The following ACVR1B variants were observed in gnomAD, a reference collection of about 807,000 sequenced individuals.
ACVR1B encodes activin receptor type-1B.
Under a neutral mutation model 55.6 loss-of-function variants are expected in ACVR1B, and 15 were observed. The observed-to-expected ratio is 0.27, with a 90% CI of 0.18 to 0.42. The LOEUF is 0.42. Among genes scored for constraint, ACVR1B ranks in the 10% least tolerant of loss-of-function variants. ACVR1B has a pLI of 1.00. For missense variants in ACVR1B, 359 were observed against 670.1 expected (o/e 0.54, Z 5.13); for synonymous variants, 247 against 254.6 (o/e 0.97, Z 0.28).
At position 51,995,626 on chromosome 12, in the gene ACVR1B, T is replaced by G. The variant is rs1942284902; in HGVS notation, c.*1516T>G. ...TTTTTAATGTTGTTAAATATTAAGT[T>G]TTTGTAAAAGGAAAACCATCTCTGT... is the stretch of plus-strand genomic sequence containing the variant. On this transcript the variant is annotated 3_prime_UTR_variant, in exon 9 of 9. Transcript: ENST00000257963. 1 of 152,530 alleles carries G rather than the reference T, an allele frequency of 6.6e-6. No homozygotes were observed. Among genetic ancestry groups the G allele is most frequent in the African/African-American group, 2.4e-5 (1 of 41,392 alleles). 9.4% of individuals were successfully genotyped at this position (152,530 alleles called of 1,614,324 possible).
chr12:51,956,166 G>A (rs1401486792), intron 1 of ACVR1B, among the ~76,000 whole-genome samples: 1 of 152,200 alleles, frequency 6.6e-6, no homozygotes, highest in Admixed American at 6.5e-5. Flanking sequence ...AGGGTTCAGA[G>A]ACAGTGCCAC....
intron 7 of ACVR1B, among the ~76,000 whole-genome samples, chr12:51,989,510 C>T (rs1473971486): frequency 5.3e-5 from 8 of 152,164 alleles, no homozygotes; most frequent in African/African-American, 1.7e-4. Flanking sequence ...GTCTCGAACT[C>T]CTGACCTCAG....
intron 1 of ACVR1B, among the ~76,000 whole-genome samples, chr12:51,968,361 CTT>C (rs1170264094): frequency 1.3e-5 from 2 of 152,208 alleles, no homozygotes; most frequent in African/African-American, 4.8e-5. Context: ...TAAAACCAAT[CTT>C]ATATTAATAG....
In ACVR1B at chr12:51,992,010, C is replaced by G; in HGVS notation, c.1392+17C>G. 1 of 1,614,244 alleles carries G rather than the reference C, an allele frequency of 6.2e-7. No homozygotes were observed. The highest frequency in any genetic ancestry group is 1.7e-5 in the Admixed American group (1 of 60,016). The stretch of plus-strand genomic sequence containing the variant: ...AGTTATGAGGTAAGAAGCTGGCCTC[C>G]TGCGGCTTTCCCATCAGCCTGATTT... On this transcript the variant is annotated intron_variant, in intron 8 of 8. Coordinates refer to ENST00000257963, the MANE Select transcript of ACVR1B (RefSeq NM_004302.5).
At chr12:51,977,814 G>T (rs1241948086) in intron 3 of ACVR1B, among the ~76,000 whole-genome samples, 4 of 143,156 alleles carry the variant, frequency 2.8e-5, no homozygotes, top group African/African-American at 2.6e-5. Flanking sequence ...TTTGTGGAAG[G>T]TTTCACTTTG....
chr12:51,982,588 T>C, intron 4 of ACVR1B: 2 of 1,331,066 alleles, frequency 1.5e-6, no homozygotes, highest in Non-Finnish European at 2.0e-6. Context: ...CTCTAGCAGT[T>C]GTGACATGAC....
At chr12:51,983,211 C>T (rs1310439013) in intron 4 of ACVR1B, among the ~76,000 whole-genome samples, 3 of 152,208 alleles carry the variant, frequency 2.0e-5, no homozygotes, top group African/African-American at 4.8e-5. Context: ...CAATTGACAA[C>T]GGCATGGCTT....
intron 7 of ACVR1B, among the ~76,000 whole-genome samples, chr12:51,991,389 T>C (rs1239289078): frequency 6.6e-6 from 1 of 152,136 alleles, no homozygotes; most frequent in Non-Finnish European, 1.5e-5. Context: ...GGCTACTCTT[T>C]TGTATTTCTT....
At position 51,994,099 on chromosome 12, in the gene ACVR1B, G is replaced by T. The variant is rs777774819; in HGVS notation, c.1507G>T (p.Val503Leu). The change falls in exon 9 of 9, where the codon GTG becomes TTG. Residue 503 changes from valine to leucine, a missense_variant. Transcript: ENST00000257963. This position sits in a 1 kb window ranked among gnomAD's most constrained non-coding sequence, Gnocchi z 4.2. ...CTCCCAGCTCAGCGTGCAGGAAGAC[G>T]TGAAGATCTAACTGCTCCCTCTCTC... ...TLSQLSVQED[V>L]KI is the part of the protein sequence containing the mutation. 1 of 1,613,556 alleles carries T rather than the reference G, an allele frequency of 6.2e-7. No homozygotes were observed. The highest frequency in any genetic ancestry group is 8.5e-7 in the Non-Finnish European group (1 of 1,180,038).
chr12:51,974,946 G>T (rs975466010), intron 1 of ACVR1B, among the ~76,000 whole-genome samples: 4 of 152,138 alleles, frequency 2.6e-5, no homozygotes, highest in Non-Finnish European at 5.9e-5. Context: ...TGCATGAAGT[G>T]GGGGGCAGCC....
chr12:51,962,584 A>G (rs1941555209), intron 1 of ACVR1B, among the ~76,000 whole-genome samples: 3 of 152,132 alleles, frequency 2.0e-5, no homozygotes, highest in Non-Finnish European at 4.4e-5. Flanking sequence ...GCTAGTTAGA[A>G]CTTTGCTAGT....
intron 8 of ACVR1B, 65 bp downstream of exon 8, chr12:51,992,058 T>C (rs1175119089): frequency 6.2e-7 from 1 of 1,610,980 alleles, no homozygotes; most frequent in Non-Finnish European, 8.5e-7. Flanking sequence ...AAAGGGTTTC[T>C]TGACAATGGG....
chr12:51,958,149 T>C (rs1188614140), intron 1 of ACVR1B, among the ~76,000 whole-genome samples: 1 of 152,198 alleles, frequency 6.6e-6, no homozygotes, highest in Non-Finnish European at 1.5e-5. Flanking sequence ...GTTAGAACTG[T>C]ATACAAAAGT....
chr12:51,954,079 G>A (rs1183278567), intron 1 of ACVR1B, among the ~76,000 whole-genome samples: 1 of 152,146 alleles, frequency 6.6e-6, no homozygotes, highest in Non-Finnish European at 1.5e-5. Flanking sequence ...GAGGCTGTGG[G>A]ATAACAAGAA....
At chr12:51,993,765 TAAAAAAAAAAAAAAAAAAAAA>T (rs869161100) in intron 8 of ACVR1B, among the ~76,000 whole-genome samples, 199 bp from the exon 9 acceptor site, 79 of 29,770 alleles carry the variant, frequency 2.7e-3, no homozygotes, top group East Asian at 0.014. Context: ...AGACTCCTTC[TAAAAAAAAAAAAAAAAAAAAA>T]AAAAAAAAAA....
chr12:51,954,529 T>G (rs777383673), intron 1 of ACVR1B, among the ~76,000 whole-genome samples: 1 of 152,224 alleles, frequency 6.6e-6, no homozygotes, highest in Non-Finnish European at 1.5e-5. Flanking sequence ...TTAAGTACAG[T>G]GGAAGTGCAG....
intron 8 of ACVR1B, chr12:51,992,211 G>GA (rs1397488292): frequency 6.6e-6 from 4 of 609,916 alleles, no homozygotes; most frequent in African/African-American, 3.7e-5. Flanking sequence ...CCTAGAAGAA[G>GA]AAAAGGCTTT....
At chr12:51,956,484 A>C (rs1003816402) in intron 1 of ACVR1B, among the ~76,000 whole-genome samples, 1 of 152,234 alleles carries the variant, frequency 6.6e-6, no homozygotes, top group Non-Finnish European at 1.5e-5. Flanking sequence ...AAGTAAACAC[A>C]ATTATCAGTC....
intron 1 of ACVR1B, chr12:51,953,353 G>C: frequency 1.0e-6 from 1 of 985,458 alleles, no homozygotes; most frequent in Non-Finnish European, 1.2e-6. Flanking sequence ...GGTGGAGCCT[G>C]TGCAGCGGGG....
Sources: gnomAD v4.1 joint callset for allele counts (sites outside exome capture counted in the v4.1 genomes callset) on GRCh38, gnomAD v4.1.1 for gene constraint, Gnocchi (gnomAD v3.1) non-coding constraint, MANE v1.5 for transcripts, NCBI Gene and HGNC (gene_info 2026-07-23, HGNC 2026-07-21) for gene names.